CFDP1: variants seen among roughly 807,000 people sequenced by gnomAD.
The protein encoded by CFDP1 is chromatin remodeling protein CFDP1.
A neutral mutation model predicts 40.1 loss-of-function variants in CFDP1; 31 were observed. The observed-to-expected ratio is 0.77, with a 90% CI of 0.58 to 1.04. CFDP1 has a LOEUF of 1.04. Among genes scored for constraint, CFDP1 ranks in the 50% least tolerant of loss-of-function variants. The pLI, the probability that CFDP1 is intolerant of heterozygous loss-of-function variation, is 0.00. For synonymous variants in CFDP1, 167 were observed against 120.0 expected, an observed-to-expected ratio of 1.39 and a Z score of -2.56; for missense variants, 423 against 343.4, an observed-to-expected ratio of 1.23 and a Z score of -1.83.
chr16:75,343,989 A>C (rs2078544528), intron 5 of CFDP1, among the ~76,000 whole-genome samples: 1 of 152,240 alleles, frequency 6.6e-6, no homozygotes, highest in African/African-American at 2.4e-5. Flanking sequence ...TAAAATTAGA[A>C]TCTCTAGCAG....
intron 5 of CFDP1, among the ~76,000 whole-genome samples, chr16:75,332,781 G>T (rs1275786422): frequency 6.7e-6 from 1 of 149,506 alleles, no homozygotes; most frequent in Non-Finnish European, 1.5e-5. Context: ...TCTGTCTGTG[G>T]CTTGCCTATT....
At chr16:75,410,778 G>A (rs545741749) in intron 4 of CFDP1, among the ~76,000 whole-genome samples, 3 of 151,820 alleles carry the variant, frequency 2.0e-5, no homozygotes, top group South Asian at 2.1e-4. Flanking sequence ...GCATGGTGGT[G>A]AGCACCTGTA....
intron 5 of CFDP1, among the ~76,000 whole-genome samples, chr16:75,356,636 A>G (rs1425316526): frequency 6.6e-6 from 1 of 152,190 alleles, no homozygotes. Context: ...GAGCCACCTT[A>G]TCACTCGAAA....
intron 3 of CFDP1, 101 bp downstream of exon 3, chr16:75,412,434 A>G (rs187818159): frequency 1.2e-5 from 11 of 883,014 alleles, no homozygotes; most frequent in Admixed American, 7.8e-5. Flanking sequence ...ACTTAGTACA[A>G]TTGTTATCAA....
At position 75,335,193 on chromosome 16, in the gene CFDP1, C is replaced by T. The variant is rs142158550; in HGVS notation, c.651-30011G>A. On this transcript the variant is annotated intron_variant, in intron 5 of 6. Transcript: ENST00000283882. ...GGTAAGTTCCCCCCTGGTTGGGCTTCAAACGCCCTGAGGTATCTTGATTTA... is the reference window on the plus strand; with the variant it reads ...GGTAAGTTCCCCCCTGGTTGGGCTTTAAACGCCCTGAGGTATCTTGATTTA... Among the ~76,000 whole-genome samples, 145 of 152,300 alleles carry T rather than the reference C, an allele frequency of 9.5e-4. 1 individual carries two copies. Among genetic ancestry groups the T allele is most frequent in the African/African-American group, 3.4e-3 (142 of 41,566 alleles).
chr16:75,416,021 T>C (rs2079201437), intron 1 of CFDP1, among the ~76,000 whole-genome samples: 1 of 152,158 alleles, frequency 6.6e-6, no homozygotes, highest in African/African-American at 2.4e-5. Flanking sequence ...CCCAGCTGAT[T>C]TTTATACTTT....
At chr16:75,381,058 G>C (rs1317871719) in intron 5 of CFDP1, 15 of 152,202 alleles carry the variant, frequency 9.9e-5, no homozygotes, top group Admixed American at 9.8e-4. Flanking sequence ...AGAGTGGAGA[G>C]AGGAAGAGTG....
At chr16:75,429,477 A>C (rs1000876148) in intron 1 of CFDP1, among the ~76,000 whole-genome samples, 4 of 152,136 alleles carry the variant, frequency 2.6e-5, no homozygotes, top group African/African-American at 9.7e-5. Context: ...AACATGGTGA[A>C]ACCCCGTCTC....
chr16:75,427,048 CT>C (rs1460410600), intron 1 of CFDP1, among the ~76,000 whole-genome samples: 2 of 67,488 alleles, frequency 3.0e-5, no homozygotes, highest in Non-Finnish European at 6.5e-5. Context: ...GCGAGACTGT[CT>C]CAAAAAAAAA....
chr16:75,302,714 C>T (rs1467799371), intron 6 of CFDP1, among the ~76,000 whole-genome samples: 1 of 152,202 alleles, frequency 6.6e-6, no homozygotes, highest in African/African-American at 2.4e-5. Context: ...CTGCGAGTTA[C>T]TGGAGCTGAA....
intron 5 of CFDP1, among the ~76,000 whole-genome samples, chr16:75,392,394 G>A (rs536821710): frequency 6.6e-6 from 1 of 150,574 alleles, no homozygotes; most frequent in African/African-American, 2.4e-5. Context: ...AACAGTGCGA[G>A]ACTCCAACTT....
intron 6 of CFDP1, among the ~76,000 whole-genome samples, chr16:75,303,070 C>G (rs566932874): frequency 3.3e-5 from 5 of 151,572 alleles, no homozygotes; most frequent in African/African-American, 1.2e-4. Flanking sequence ...CGTGTAGGCG[C>G]GCGCCTGTAA....
intron 4 of CFDP1, among the ~76,000 whole-genome samples, chr16:75,410,458 G>C (rs113979238): frequency 5.9e-5 from 9 of 152,094 alleles, no homozygotes; most frequent in African/African-American, 1.9e-4. Context: ...TAATCAATCA[G>C]AAAAATATTA....
intron 5 of CFDP1, among the ~76,000 whole-genome samples, chr16:75,356,372 G>A (rs1478414486): frequency 6.6e-6 from 1 of 152,168 alleles, no homozygotes; most frequent in Non-Finnish European, 1.5e-5. Flanking sequence ...CAGAGCATAT[G>A]GATGACTGGG....
intron 5 of CFDP1, among the ~76,000 whole-genome samples, chr16:75,349,791 T>C (rs2078597963): frequency 6.8e-6 from 1 of 148,112 alleles, no homozygotes; most frequent in African/African-American, 2.5e-5. Flanking sequence ...TTTTAGTGGA[T>C]TGCTTAGGAT....
chr16:75,377,010 C>A lies in CFDP1; in HGVS notation c.650+18080G>T, dbSNP rs575347282. On this transcript the variant is annotated intron_variant, in intron 5 of 6. Transcript: ENST00000283882. ...ATGCGGTAACCCTGCTCTGCAGGAGCAGTCAAGGAGCTGTTAACACTGCCG... is the reference window on the plus strand; with the variant it reads ...ATGCGGTAACCCTGCTCTGCAGGAGAAGTCAAGGAGCTGTTAACACTGCCG... Among the ~76,000 whole-genome samples, 12 of 152,350 alleles carry A rather than the reference C, an allele frequency of 7.9e-5. No individual in the cohort carries two copies. The South Asian group carries it at 2.5e-3, about 32-fold the overall frequency.
At chr16:75,320,041 C>G (rs1003333338) in intron 5 of CFDP1, among the ~76,000 whole-genome samples, 4 of 152,172 alleles carry the variant, frequency 2.6e-5, no homozygotes, top group Non-Finnish European at 5.9e-5. Context: ...GATTTTTACC[C>G]ACGGTATCAC....
chr16:75,412,314 C>T (rs1263335197), intron 3 of CFDP1, among the ~76,000 whole-genome samples: 1 of 152,176 alleles, frequency 6.6e-6, no homozygotes. Flanking sequence ...GCACTGCAGT[C>T]AGCCTATAGC....
At chr16:75,349,672 A>T (rs1567653451) in intron 5 of CFDP1, among the ~76,000 whole-genome samples, 822 of 6,256 alleles carry the variant, frequency 0.13, 42 homozygotes, top group Non-Finnish European at 0.18. Flanking sequence ...AAAAAAAAAA[A>T]AAAAAAAAAA....
Sources: allele counts gnomAD v4.1 joint callset (sites outside exome capture counted in the v4.1 genomes callset), GRCh38; gene constraint gnomAD v4.1.1; transcripts MANE v1.5; gene names NCBI Gene and HGNC (gene_info 2026-07-23, HGNC 2026-07-21).